The following ARRDC3 variants were observed in gnomAD, a reference collection of about 807,000 sequenced individuals.
ARRDC3 encodes arrestin domain containing 3, also known as arrestin domain-containing protein 3.
Under a neutral mutation model 47.2 loss-of-function variants are expected in ARRDC3, and 10 were observed. The observed-to-expected ratio is 0.21, with a 90% CI of 0.13 to 0.36. The LOEUF is 0.36. Ranked by LOEUF, ARRDC3 falls within the 10% of genes least tolerant of loss-of-function variation. ARRDC3 has a pLI of 1.00. For missense variants in ARRDC3, 381 were observed against 503.6 expected, an observed-to-expected ratio of 0.76 and a Z score of 2.33; for synonymous variants, 156 against 178.3, an observed-to-expected ratio of 0.87 and a Z score of 1.00.
chr5:91,381,388 A>T (rs536914619), intron 1 of ARRDC3, among the ~76,000 whole-genome samples: 6 of 152,240 alleles, frequency 3.9e-5, no homozygotes, highest in Non-Finnish European at 8.8e-5. Flanking sequence ...ATATTCAGAA[A>T]GGTACAAACA....
At position 91,378,749 on chromosome 5, in the gene ARRDC3, G is replaced by A. The variant is rs750058460; in HGVS notation, c.307C>T (p.His103Tyr). 75 of 1,596,662 alleles carry A rather than the reference G, an allele frequency of 4.7e-5. No homozygotes were observed. Among genetic ancestry groups the A allele is most frequent in the Non-Finnish European group, 6.2e-5 (73 of 1,173,284 alleles). ...TCATGCCTTCCTGAATGAATAGTGT[G>A]GAAGCCTTCTTCGGAATTATCATCA... is the stretch of plus-strand genomic sequence containing the variant. ...RDDDNSEEGF[H>Y]TIHSGRHEYA... is the part of the protein sequence containing the mutation. Residue 103 changes from histidine to tyrosine, a missense_variant, in exon 2 of 8, where the codon CAC becomes TAC. Coordinates refer to ENST00000265138, the MANE Select transcript of ARRDC3 (RefSeq NM_020801.4).
chr5:91,374,222 T>A lies in ARRDC3; in HGVS notation c.925A>T (p.Ile309Phe), dbSNP rs758146770. Residue 309 changes from isoleucine (I) to phenylalanine (F), a missense_variant, in exon 6 of 8, where the codon ATC becomes TTC. Physicochemically the swap from Ile to Phe is conservative, Grantham distance 21 (BLOSUM62 0). Coordinates refer to ENST00000265138, the MANE Select transcript of ARRDC3 (RefSeq NM_020801.4). Reference protein sequence around the residue: ...MDLFLNLPLVIGTIPLHPFGS... With the variant: ...MDLFLNLPLVFGTIPLHPFGS... ...AATGGATGTAGAGGAATGGTACCGA[T>A]GACAAGTGGCAAATTAAGAAATAAA... The A allele has an allele frequency of 6.2e-7, 1 of 1,613,928 alleles. No individual in the cohort carries two copies. Among genetic ancestry groups the A allele is most frequent in the Non-Finnish European group, 8.5e-7 (1 of 1,179,868 alleles).
Position 91,371,008 on chromosome 5 carries a change from GAAAA to G in ARRDC3, c.*388_*391del. The G allele has an allele frequency of 2.8e-5, 2 of 70,442 alleles. No individual in the cohort carries two copies. The highest frequency in any genetic ancestry group is 3.1e-5 in the Non-Finnish European group (1 of 31,912). The allele number at this position is 70,442 out of a possible 1,614,324, so 4.4% of individuals were successfully genotyped here. A position where few individuals can be genotyped will look rare whatever the true frequency, so the allele number is the denominator to read the frequency against. ...GAGTATCAAGAGTCTGGCAAAAATA[GAAAA>G]AAAAAAAAAAAAAAAAAGAAGCTGT... On this transcript the variant is annotated 3_prime_UTR_variant, in exon 8 of 8. Coordinates refer to ENST00000265138, the MANE Select transcript of ARRDC3 (RefSeq NM_020801.4).
At position 91,383,267 on chromosome 5, in the gene ARRDC3, G is replaced by A. The variant is rs1393538762; in HGVS notation, c.-175C>T. 4.7e-6 allele frequency: 3 copies of A among 633,794 alleles called. No homozygotes were observed. The African/African-American group carries it at 5.6e-5, about 12-fold the overall frequency. 39.3% of individuals were successfully genotyped at this position (633,794 alleles called of 1,614,324 possible). Reference sequence around the variant, plus strand: ...GATTTCTTAAAAAGTCAGGGCAGCAGAGGCTGCTGCTCCGCGCTCCCGCTC... The same window carrying A: ...GATTTCTTAAAAAGTCAGGGCAGCAAAGGCTGCTGCTCCGCGCTCCCGCTC... On this transcript the variant is annotated 5_prime_UTR_variant, in exon 1 of 8. Coordinates refer to ENST00000265138, the MANE Select transcript of ARRDC3 (RefSeq NM_020801.4).
intron 7 of ARRDC3, among the ~76,000 whole-genome samples, chr5:91,373,069 C>T (rs999323095): frequency 1.3e-5 from 2 of 152,184 alleles, no homozygotes; most frequent in East Asian, 1.9e-4. Context: ...TAATAAGCTG[C>T]TTCTCAAATG....
intron 1 of ARRDC3, 133 bp downstream of exon 1, chr5:91,382,680 A>G: frequency 9.9e-7 from 1 of 1,010,692 alleles, no homozygotes; most frequent in East Asian, 2.4e-5. Flanking sequence ...GGAGAATCCA[A>G]ACCTTCCAAC....
chr5:91,371,569 C>T (rs1799179128), intron 7 of ARRDC3, 113 bp from the exon 8 acceptor site: 1 of 767,998 alleles, frequency 1.3e-6, no homozygotes, highest in East Asian at 2.7e-5. Flanking sequence ...AGAGAGCAAA[C>T]ACAGCTTGTT....
At chr5:91,382,489 G>C (rs969785167) in intron 1 of ARRDC3, among the ~76,000 whole-genome samples, 2 of 152,208 alleles carry the variant, frequency 1.3e-5, no homozygotes, top group Non-Finnish European at 2.9e-5. Flanking sequence ...CAATTCATTT[G>C]AAAATATATT....
chr5:91,381,066 G>GC (rs1444230581), intron 1 of ARRDC3: 7 of 152,086 alleles, frequency 4.6e-5, no homozygotes, highest in Non-Finnish European at 1.5e-5. Flanking sequence ...CATCGCCTTA[G>GC]CAACAGGCTA....
chr5:91,378,551 A>G (rs1487223042), intron 2 of ARRDC3, 143 bp downstream of exon 2: 1 of 565,226 alleles, frequency 1.8e-6, no homozygotes, highest in Non-Finnish European at 3.1e-6. Flanking sequence ...CTTATGTTTA[A>G]TATATTGTTT....
Position 91,376,711 on chromosome 5 carries a change from G to A in ARRDC3, c.420C>T (p.Ala140=), listed in dbSNP as rs771995423. 7.4e-6 allele frequency: 12 copies of A among 1,613,856 alleles called. No individual in the cohort carries two copies. The highest frequency in any genetic ancestry group is 2.7e-5 in the African/African-American group (2 of 74,998). Residue 140 remains alanine, a synonymous_variant, in exon 3 of 8, where the codon GCC becomes GCT. Transcript: ENST00000265138. The part of the protein sequence containing the change: ...RHGSVRYWVK[A]ELHRPWLLPV... Reference sequence around the variant, plus strand: ...GTAGTAGCCAAGGCCTGTGCAATTCGGCTTTCACCCAATAGCGCACACTGC... The same window carrying A: ...GTAGTAGCCAAGGCCTGTGCAATTCAGCTTTCACCCAATAGCGCACACTGC...
chr5:91,383,156 T>C lies in ARRDC3; in HGVS notation c.-64A>G. The C allele has an allele frequency of 7.1e-7, 1 of 1,401,102 alleles. No homozygotes were observed. Among genetic ancestry groups the C allele is most frequent in the Non-Finnish European group, 9.7e-7 (1 of 1,033,866 alleles). The allele number at this position is 1,401,102 out of a possible 1,614,324, so 86.8% of individuals were successfully genotyped here. A position where few individuals can be genotyped will look rare whatever the true frequency, so the allele number is the denominator to read the frequency against. On this transcript the variant is annotated 5_prime_UTR_variant, in exon 1 of 8. Coordinates refer to ENST00000265138, the MANE Select transcript of ARRDC3 (RefSeq NM_020801.4). ...AAAAGTCAAGATCGCATATAAAATG[T>C]GATCTTCACTTAACACTGATCGATA...
chr5:91,368,651 T>C lies in ARRDC3; in HGVS notation c.*2749A>G, dbSNP rs1235405724. ...CAGAATGGCTTAAAATAGAGTTTAATAGTTTAATTTAATGTGTTTGCATGT... is the reference window on the plus strand; with the variant it reads ...CAGAATGGCTTAAAATAGAGTTTAACAGTTTAATTTAATGTGTTTGCATGT... On this transcript the variant is annotated 3_prime_UTR_variant, in exon 8 of 8. Transcript: ENST00000265138. The C allele has an allele frequency of 1.3e-5, 2 of 152,254 alleles. No homozygotes were observed. Among genetic ancestry groups the C allele is most frequent in the African/African-American group, 2.4e-5 (1 of 41,452 alleles). 9.4% of individuals were successfully genotyped at this position (152,254 alleles called of 1,614,324 possible).
chr5:91,375,904 A>T (rs1425311237), intron 3 of ARRDC3, among the ~76,000 whole-genome samples: 2 of 152,172 alleles, frequency 1.3e-5, no homozygotes, highest in Non-Finnish European at 2.9e-5. Flanking sequence ...AAATATAGTA[A>T]TCAAAAACCA....
intron 2 of ARRDC3, among the ~76,000 whole-genome samples, chr5:91,378,112 T>C (rs569412654): frequency 4.3e-4 from 66 of 152,230 alleles, no homozygotes; most frequent in South Asian, 1.4e-3. Context: ...CCAAGTTTTA[T>C]ATTAATGTAT....
chr5:91,371,574 CTTG>C, intron 7 of ARRDC3, 118 bp from the exon 8 acceptor site: 7 of 732,984 alleles, frequency 9.6e-6, no homozygotes, highest in Non-Finnish European at 1.4e-5. Context: ...GCAAACACAG[CTTG>C]TTAGCATATT....
intron 1 of ARRDC3, among the ~76,000 whole-genome samples, chr5:91,382,019 T>C (rs1028234939): frequency 3.3e-5 from 5 of 152,200 alleles, no homozygotes. Context: ...CAACCCTTTA[T>C]CTCTCTCTTC....
At chr5:91,376,933 C>A (rs867475181) in intron 2 of ARRDC3, among the ~76,000 whole-genome samples, 165 bp from the exon 3 acceptor site, 2 of 152,122 alleles carry the variant, frequency 1.3e-5, no homozygotes, top group Non-Finnish European at 2.9e-5. Context: ...GGGGAAAAAA[C>A]TTCCTATTTC....
intron 1 of ARRDC3, chr5:91,380,505 C>A (rs893443494): frequency 6.6e-6 from 1 of 152,510 alleles, no homozygotes; most frequent in Non-Finnish European, 1.5e-5. Context: ...TCGAAGCCCC[C>A]CCCTCCCCCA....
Sources: allele counts gnomAD v4.1 joint callset (sites outside exome capture counted in the v4.1 genomes callset), GRCh38; gene constraint gnomAD v4.1.1; transcripts MANE v1.5; gene names NCBI Gene and HGNC (gene_info 2026-07-23, HGNC 2026-07-21).